The following NKAIN2 variants were observed in gnomAD, a reference collection of about 807,000 sequenced individuals.
NKAIN2 encodes sodium/potassium-transporting ATPase subunit beta-1-interacting protein 2.
A neutral mutation model predicts 32.6 loss-of-function variants in NKAIN2; 14 were observed. That is an observed-to-expected ratio of 0.43 (90% CI 0.28 to 0.67). NKAIN2 has a LOEUF of 0.67. Among genes scored for constraint, NKAIN2 ranks in the 30% least tolerant of loss-of-function variants. The pLI, the probability that NKAIN2 is intolerant of heterozygous loss-of-function variation, is 0.17. For synonymous variants in NKAIN2, 80 were observed against 87.2 expected (o/e 0.92, Z 0.46); for missense variants, 198 against 258.3 (o/e 0.77, Z 1.60).
intron 4 of NKAIN2, among the ~76,000 whole-genome samples, chr6:124,675,107 A>G (rs748121977): frequency 6.6e-6 from 1 of 151,976 alleles, no homozygotes; most frequent in Non-Finnish European, 1.5e-5. Flanking sequence ...TTCTGCATCC[A>G]TTGATCTGAT....
intron 1 of NKAIN2, among the ~76,000 whole-genome samples, chr6:123,976,393 A>G (rs1251396398): frequency 1.8e-5 from 1 of 55,148 alleles, no homozygotes; most frequent in Non-Finnish European, 3.9e-5. Context: ...ATATATATAT[A>G]TATATATATA....
intron 3 of NKAIN2, among the ~76,000 whole-genome samples, chr6:124,642,002 C>T (rs1445587428): frequency 6.6e-6 from 1 of 152,126 alleles, no homozygotes; most frequent in African/African-American, 2.4e-5. Context: ...CTGGAGTTAA[C>T]CCTAGCTATG....
chr6:124,351,916 C>T (rs12199388), intron 2 of NKAIN2, among the ~76,000 whole-genome samples: 2 of 151,952 alleles, frequency 1.3e-5, no homozygotes, highest in South Asian at 2.1e-4. Context: ...CCACCGCGCC[C>T]GACCCTACTG....
intron 3 of NKAIN2, among the ~76,000 whole-genome samples, chr6:124,422,571 T>G (rs946017313): frequency 1.3e-5 from 2 of 152,258 alleles, no homozygotes; most frequent in Non-Finnish European, 2.9e-5. Context: ...CACACTCAAA[T>G]TTGGCTTAAT....
intron 3 of NKAIN2, among the ~76,000 whole-genome samples, chr6:124,411,392 C>T (rs1774173837): frequency 6.6e-6 from 1 of 152,124 alleles, no homozygotes; most frequent in Non-Finnish European, 1.5e-5. Context: ...GACAAAATCT[C>T]TCAGCATTTG....
intron 1 of NKAIN2, among the ~76,000 whole-genome samples, chr6:124,072,632 T>C (rs1783514932): frequency 6.6e-6 from 1 of 152,176 alleles, no homozygotes. Context: ...GCCACTCACT[T>C]TGCTCTCTAC....
intron 3 of NKAIN2, among the ~76,000 whole-genome samples, chr6:124,470,097 A>G (rs992297098): frequency 3.9e-5 from 6 of 152,114 alleles, no homozygotes; most frequent in Non-Finnish European, 7.4e-5. Context: ...GCAGGTCATG[A>G]GTGAGGGTGG....
chr6:123,945,165 T>C (rs1483638831), intron 1 of NKAIN2, among the ~76,000 whole-genome samples: 1 of 152,138 alleles, frequency 6.6e-6, no homozygotes, highest in Non-Finnish European at 1.5e-5. Context: ...TTTATGACAG[T>C]ATTTTAAACC....
chr6:124,466,321 C>G (rs1776753609), intron 3 of NKAIN2, among the ~76,000 whole-genome samples: 1 of 152,116 alleles, frequency 6.6e-6, no homozygotes, highest in Admixed American at 6.6e-5. Flanking sequence ...TGAAGAGCCT[C>G]CTGTAAAATG....
At chr6:124,321,956 T>A (rs889469186) in intron 2 of NKAIN2, among the ~76,000 whole-genome samples, 1 of 152,216 alleles carries the variant, frequency 6.6e-6, no homozygotes, top group African/African-American at 2.4e-5. Flanking sequence ...ATTTTCCTTC[T>A]AAATTCTGAC....
intron 3 of NKAIN2, among the ~76,000 whole-genome samples, chr6:124,400,391 A>G (rs1388203209): frequency 1.3e-5 from 2 of 152,204 alleles, no homozygotes; most frequent in African/African-American, 4.8e-5. Context: ...CTCCAAATAT[A>G]GAGCAAAATG....
At chr6:123,997,260 G>A (rs934669341) in intron 1 of NKAIN2, among the ~76,000 whole-genome samples, 4 of 152,160 alleles carry the variant, frequency 2.6e-5, no homozygotes, top group Non-Finnish European at 4.4e-5. Flanking sequence ...AATTTCTCTT[G>A]CAATATTCTG....
chr6:123,922,346 C>T (rs2114494301), intron 1 of NKAIN2, among the ~76,000 whole-genome samples: 1 of 152,220 alleles, frequency 6.6e-6, no homozygotes, highest in African/African-American at 2.4e-5. Flanking sequence ...GATTAAGTTT[C>T]ATCTGTATGT....
intron 1 of NKAIN2, among the ~76,000 whole-genome samples, chr6:124,171,712 G>C (rs371125787): frequency 0.015 from 2,060 of 137,734 alleles, 42 homozygotes; most frequent in African/African-American, 0.052. Context: ...TGCCACGCCC[G>C]GCTAATTTTT....
chr6:124,247,128 T>C (rs1236663137), intron 1 of NKAIN2, among the ~76,000 whole-genome samples: 2 of 152,062 alleles, frequency 1.3e-5, no homozygotes, highest in African/African-American at 2.4e-5. Context: ...CTTTAAGGCC[T>C]CATGTGATTA....
chr6:124,525,282 A>C (rs1452115745), intron 3 of NKAIN2, among the ~76,000 whole-genome samples: 1 of 152,176 alleles, frequency 6.6e-6, no homozygotes, highest in Non-Finnish European at 1.5e-5. Context: ...TTATATAGGC[A>C]GCGGGAGTTT....
At chr6:124,480,394 A>G (rs913929994) in intron 3 of NKAIN2, among the ~76,000 whole-genome samples, 2 of 152,152 alleles carry the variant, frequency 1.3e-5, no homozygotes, top group African/African-American at 2.4e-5. Flanking sequence ...TGTGTTAGGA[A>G]AAGCCTACGG....
intron 1 of NKAIN2, among the ~76,000 whole-genome samples, chr6:123,811,960 G>A (rs534667058): frequency 6.6e-6 from 1 of 152,240 alleles, no homozygotes; most frequent in African/African-American, 2.4e-5. Context: ...AGTCAACATT[G>A]TTCTTCAGGC....
chr6:124,205,012 T>G (rs560807867), intron 1 of NKAIN2, among the ~76,000 whole-genome samples: 1 of 151,782 alleles, frequency 6.6e-6, no homozygotes, highest in African/African-American at 2.4e-5. Context: ...ATATCAAATT[T>G]TAAACTTTAT....
Sources: allele counts gnomAD v4.1 joint callset (sites outside exome capture counted in the v4.1 genomes callset), GRCh38; gene constraint gnomAD v4.1.1; transcripts MANE v1.5; gene names NCBI Gene and HGNC (gene_info 2026-07-23, HGNC 2026-07-21).